Variants in COL4A1 observed in about 807,000 individuals in gnomAD.
The protein encoded by COL4A1 is collagen alpha-1(IV) chain.
In COL4A1, 40 loss-of-function variants were observed where a neutral mutation model predicts 216.6. The observed-to-expected ratio is 0.18, with a 90% CI of 0.14 to 0.24. COL4A1 has a LOEUF of 0.24. Ranked by LOEUF, COL4A1 falls within the 10% of genes least tolerant of loss-of-function variation. COL4A1 has a pLI of 1.00. For missense variants in COL4A1, 1,628 were observed against 2,196.8 expected (o/e 0.74, Z 5.18); for synonymous variants, 839 against 810.7 (o/e 1.03, Z -0.59).
rs567635492 is a variant in COL4A1 at position 110,224,313 on chromosome 13, T to C, written c.145-10298A>G. Reference sequence around the variant, plus strand: ...TAAGAGGTTAGCTCTCTTCTGAGTTTGTATAAGAAAAAAATATATATGTTT... The same window carrying C: ...TAAGAGGTTAGCTCTCTTCTGAGTTCGTATAAGAAAAAAATATATATGTTT... On this transcript the variant is annotated intron_variant, in intron 2 of 51. Transcript: ENST00000375820. 2.0e-5 allele frequency among the ~76,000 whole-genome samples: 3 copies of C among 152,290 alleles called. No individual in the cohort carries two copies. In the East Asian group the frequency reaches 5.8e-4, roughly 29 times the overall value.
At chr13:110,203,635 C>T (rs201729060) in intron 17 of COL4A1, 28 bp from the exon 18 acceptor site, 2 of 1,612,386 alleles carry the variant, frequency 1.2e-6, no homozygotes, top group African/African-American at 2.7e-5. Context: ...ACTTTCCTTG[C>T]ATATTCTTAC....
chr13:110,240,717 G>A (rs1363095430), intron 2 of COL4A1, among the ~76,000 whole-genome samples: 3 of 152,230 alleles, frequency 2.0e-5, no homozygotes, highest in Non-Finnish European at 4.4e-5. Context: ...GAGTGGAAGC[G>A]GCTTGGCTCT....
At position 110,177,833 on chromosome 13, in the gene COL4A1, C is replaced by A; in HGVS notation, c.2716+9G>T. ...CAAAATGAGCTTCTAGGGTTATCAG[C>A]TCCCCTACCTTTTTCACCCGGTAAT... On this transcript the variant is annotated intron_variant, in intron 33 of 51. Coordinates refer to ENST00000375820, the MANE Select transcript of COL4A1 (RefSeq NM_001845.6). 1 of 1,613,894 alleles carries A rather than the reference C, an allele frequency of 6.2e-7. No individual in the cohort carries two copies. Among genetic ancestry groups the A allele is most frequent in the African/African-American group, 1.3e-5 (1 of 75,048 alleles).
rs1025218224 is a variant in COL4A1, at chr13:110,195,081, G to A, written c.1323C>T (p.Asp441=). Reference sequence around the variant, plus strand: ...GCCCTGGAATTCCAGGAGGACCCTGGTCACCTGGAGGTCCGGGCTGACATT... The same window carrying A: ...GCCCTGGAATTCCAGGAGGACCCTGATCACCTGGAGGTCCGGGCTGACATT... ...IVECQPGPPG[D]QGPPGIPGQP... is the part of the protein sequence containing the mutation. Residue 441 remains aspartate (D), a synonymous_variant, in exon 22 of 52, where the codon GAC becomes GAT. Coordinates refer to ENST00000375820, the MANE Select transcript of COL4A1 (RefSeq NM_001845.6). 3 of 1,614,014 alleles carry A rather than the reference G, an allele frequency of 1.9e-6. No individual in the cohort carries two copies. The African/African-American group carries it at 4.0e-5, about 22-fold the overall frequency.
chr13:110,194,995 C>A (rs758271826), intron 22 of COL4A1, 28 bp downstream of exon 22: 1 of 1,593,860 alleles, frequency 6.3e-7, no homozygotes, highest in East Asian at 2.2e-5. Flanking sequence ...GACACAACCA[C>A]CATTTTAAAA....
chr13:110,296,411 C>T (rs984328623), intron 1 of COL4A1, among the ~76,000 whole-genome samples: 3 of 152,062 alleles, frequency 2.0e-5, no homozygotes, highest in East Asian at 3.8e-4. Context: ...GAAATAAAGT[C>T]GTAGTAAAAG....
chr13:110,228,237 C>CGG (rs59600040), intron 2 of COL4A1, among the ~76,000 whole-genome samples: 2,216 of 118,436 alleles, frequency 0.019, 27 homozygotes, highest in African/African-American at 0.053. Context: ...GGTGCGGGGG[C>CGG]GGGGGGGGGG....
At chr13:110,270,025 C>T (rs190288789) in intron 1 of COL4A1, among the ~76,000 whole-genome samples, 1 of 152,196 alleles carries the variant, frequency 6.6e-6, no homozygotes, top group African/African-American at 2.4e-5. Flanking sequence ...TTCTTCTCCA[C>T]GCACCCCCAG....
chr13:110,290,515 C>A (rs532988293), intron 1 of COL4A1, among the ~76,000 whole-genome samples: 102 of 152,272 alleles, frequency 6.7e-4, no homozygotes, highest in African/African-American at 2.4e-3. Context: ...GCTCCTCCGG[C>A]TTCCTCGATC....
At chr13:110,269,583 T>C (rs1883167672) in intron 1 of COL4A1, among the ~76,000 whole-genome samples, 1 of 152,054 alleles carries the variant, frequency 6.6e-6, no homozygotes, top group Non-Finnish European at 1.5e-5. Flanking sequence ...ACTAGGCATA[T>C]AAAAGTTAAG....
intron 26 of COL4A1, among the ~76,000 whole-genome samples, chr13:110,183,616 G>A (rs961328274): frequency 6.6e-6 from 1 of 152,182 alleles, no homozygotes; most frequent in African/African-American, 2.4e-5. Flanking sequence ...TAGTGAGCCG[G>A]TCTCAAAAAG....
At chr13:110,292,631 GGAGA>G (rs1566449655) in intron 1 of COL4A1, among the ~76,000 whole-genome samples, 1 of 152,184 alleles carries the variant, frequency 6.6e-6, no homozygotes, top group African/African-American at 2.4e-5. Flanking sequence ...CATGGTAGCA[GGAGA>G]GAGAGCGAAG....
intron 2 of COL4A1, among the ~76,000 whole-genome samples, chr13:110,215,540 G>A (rs1880026827): frequency 7.2e-6 from 1 of 139,754 alleles, no homozygotes; most frequent in African/African-American, 2.7e-5. Flanking sequence ...TAGCCTGGGA[G>A]ACAGAGTGAG....
Position 110,183,019 on chromosome 13 carries a change from C to T in COL4A1, c.2069G>A (p.Gly690Glu), listed in dbSNP as rs1013805396. 1.9e-6 allele frequency: 3 copies of T among 1,613,174 alleles called. No homozygotes were observed. In the Admixed American group the frequency reaches 5.0e-5, roughly 27 times the overall value. ...TTTGGGGCCGGGGGGCCCTGGAAAT[C>T]CAATGCCTGGCTGGCCCACAGCGCC... ...EKGAVGQPGI[G>E]FPGPPGPKGV... Residue 690 changes from glycine to glutamate, a missense_variant, in exon 28 of 52, where the codon GGA (glycine) becomes GAA (glutamate). Coordinates refer to ENST00000375820, the MANE Select transcript of COL4A1 (RefSeq NM_001845.6).
chr13:110,196,790 G>C (rs1566365970), intron 21 of COL4A1, among the ~76,000 whole-genome samples: 3 of 152,176 alleles, frequency 2.0e-5, no homozygotes, highest in African/African-American at 7.2e-5. Flanking sequence ...AGAATGCAGT[G>C]GCAGAACTTA....
rs1879352404 is a variant in COL4A1 at position 110,203,695 on chromosome 13, T to C, written c.958-88A>G. On this transcript the variant is annotated intron_variant, in intron 17 of 51. Coordinates refer to ENST00000375820, the MANE Select transcript of COL4A1 (RefSeq NM_001845.6). ...AGATTAAACATTTCTTCTGGTAAAA[T>C]AGAGTGTGCCTACAGTAAATTAAAA... is the stretch of plus-strand genomic sequence containing the variant. 5.1e-6 allele frequency: 7 copies of C among 1,375,828 alleles called. No homozygotes were observed. The African/African-American group carries it at 5.7e-5, about 11-fold the overall frequency. The allele number at this position is 1,375,828 out of a possible 1,614,324, so 85.2% of individuals were successfully genotyped here. A position where few individuals can be genotyped will look rare whatever the true frequency, so the allele number is the denominator to read the frequency against.
chr13:110,205,947 T>C (rs977738645), intron 15 of COL4A1, among the ~76,000 whole-genome samples: 10 of 152,112 alleles, frequency 6.6e-5, no homozygotes, highest in African/African-American at 2.4e-4. Context: ...GTCTCTCCTA[T>C]GAAACACAAG....
intron 1 of COL4A1, among the ~76,000 whole-genome samples, chr13:110,295,422 C>CT (rs5806848): frequency 0.032 from 2,806 of 88,218 alleles, 89 homozygotes; most frequent in Middle Eastern, 0.077. Context: ...AGTTCACTTC[C>CT]TTTTTTTTTT....
Position 110,192,860 on chromosome 13 carries a change from G to A in COL4A1, c.1435C>T (p.Pro479Ser), listed in dbSNP as rs773980580. 1.2e-6 allele frequency: 2 copies of A among 1,614,062 alleles called. No individual in the cohort carries two copies. Among genetic ancestry groups the A allele is most frequent in the South Asian group, 1.1e-5 (1 of 91,074 alleles). The stretch of plus-strand genomic sequence containing the variant: ...TCTCCCGGGGGTCCCTGTGGCCCGG[G>A]AGGCCCCCGATATCCGTCTATATCA... ...ICDIDGYRGP[P>S]GPQGPPGEIG... Residue 479 changes from proline (P) to serine (S), a missense_variant, in exon 23 of 52, where the codon CCC becomes TCC. Transcript: ENST00000375820.
Sources: gnomAD v4.1 joint callset for allele counts (sites outside exome capture counted in the v4.1 genomes callset) on GRCh38, gnomAD v4.1.1 for gene constraint, MANE v1.5 for transcripts, NCBI Gene and HGNC (gene_info 2026-07-23, HGNC 2026-07-21) for gene names.